TTC39C: variants seen among roughly 807,000 people sequenced by gnomAD.
TTC39C encodes the protein tetratricopeptide repeat domain 39C, also known as tetratricopeptide repeat protein 39C.
In TTC39C, 33 loss-of-function variants were observed where a neutral mutation model predicts 76.3. The observed-to-expected ratio is 0.43, with a 90% CI of 0.33 to 0.58. The LOEUF is 0.58. Among genes scored for constraint, TTC39C ranks in the 20% least tolerant of loss-of-function variants. TTC39C has a pLI of 0.04. For missense variants in TTC39C, 595 were observed against 701.4 expected (o/e 0.85, Z 1.71); for synonymous variants, 254 against 260.6 (o/e 0.97, Z 0.24).
chr18:24,026,853 A>T (rs2083605461), intron 1 of TTC39C, among the ~76,000 whole-genome samples: 1 of 152,236 alleles, frequency 6.6e-6, no homozygotes, highest in Admixed American at 6.5e-5. Context: ...AGCATCAAAG[A>T]TAAACAGATT....
At chr18:24,012,524 T>C (rs1318217559), upstream of TTC39C, among the ~76,000 whole-genome samples, 1 of 152,176 alleles carries the variant, frequency 6.6e-6, no homozygotes, top group Non-Finnish European at 1.5e-5. Context: ...CATAGTGTCA[T>C]CAATTCCTTG....
chr18:24,016,717 C>G (rs1024065338), intron 1 of TTC39C: 2 of 398,358 alleles, frequency 5.0e-6, no homozygotes, highest in Non-Finnish European at 8.8e-6. Flanking sequence ...AGAGAGATGC[C>G]CCTTCAAAGA....
At chr18:24,097,216 C>T (rs539798233) in intron 6 of TTC39C, among the ~76,000 whole-genome samples, 34 of 152,314 alleles carry the variant, frequency 2.2e-4, no homozygotes, top group African/African-American at 7.5e-4. Flanking sequence ...TTTGTCCCCA[C>T]GCCCAGAAAA....
chr18:24,080,288 C>T (rs2084360617), intron 4 of TTC39C, among the ~76,000 whole-genome samples: 1 of 152,156 alleles, frequency 6.6e-6, no homozygotes, highest in Non-Finnish European at 1.5e-5. Flanking sequence ...GTGATTCATT[C>T]ATTCATTCGA....
intron 1 of TTC39C, among the ~76,000 whole-genome samples, chr18:24,025,107 G>C (rs1311349666): frequency 6.6e-6 from 1 of 152,182 alleles, no homozygotes; most frequent in Non-Finnish European, 1.5e-5. Context: ...GGCCTCAACT[G>C]ATCTGACCGT....
intron 5 of TTC39C, among the ~76,000 whole-genome samples, chr18:24,081,238 GA>G (rs2084372013): frequency 6.6e-6 from 1 of 152,114 alleles, no homozygotes; most frequent in South Asian, 2.1e-4. Context: ...TGAGATTCAC[GA>G]TTCTGATTTT....
chr18:24,117,346 T>C (rs2084906786), intron 7 of TTC39C, among the ~76,000 whole-genome samples: 1 of 152,182 alleles, frequency 6.6e-6, no homozygotes, highest in African/African-American at 2.4e-5. Context: ...ACCAGTGTGC[T>C]GAGGGAAGGT....
intron 1 of TTC39C, among the ~76,000 whole-genome samples, chr18:24,032,632 T>C (rs2083684354): frequency 6.6e-6 from 1 of 152,244 alleles, no homozygotes; most frequent in South Asian, 2.1e-4. Flanking sequence ...AAGTTTTGAC[T>C]GCATTTTGAC....
At chr18:24,106,507 C>G (rs943281082) in intron 6 of TTC39C, among the ~76,000 whole-genome samples, 2 of 152,186 alleles carry the variant, frequency 1.3e-5, no homozygotes, top group African/African-American at 4.8e-5. Context: ...AGTGTCCTCC[C>G]TTCCTCTGCA....
At chr18:24,037,558 C>A (rs1261139902) in intron 1 of TTC39C, among the ~76,000 whole-genome samples, 1 of 152,172 alleles carries the variant, frequency 6.6e-6, no homozygotes. Flanking sequence ...AGTAGCGTTG[C>A]AGAGTCTCAG....
upstream of TTC39C, among the ~76,000 whole-genome samples, chr18:24,012,316 C>T (rs1403877705): frequency 6.6e-6 from 1 of 152,154 alleles, no homozygotes; most frequent in Non-Finnish European, 1.5e-5. Flanking sequence ...TCTATCCACG[C>T]CACCCCTCCC....
rs749399634 is a variant in TTC39C, at chr18:24,134,522, G to T, written c.*1948G>T. 7.9e-5 allele frequency: 12 copies of T among 151,932 alleles called. No homozygotes were observed. In the East Asian group the frequency reaches 1.9e-3, roughly 25 times the overall value. 9.4% of individuals were successfully genotyped at this position (151,932 alleles called of 1,614,324 possible). Reference sequence around the variant, plus strand: ...CATCTCCTGACCTCGTGATCCACCCGCCTTGGCCTCCCAAAGAGCTGGGAT... The same window carrying T: ...CATCTCCTGACCTCGTGATCCACCCTCCTTGGCCTCCCAAAGAGCTGGGAT... On this transcript the variant is annotated 3_prime_UTR_variant, in exon 14 of 14. Transcript: ENST00000317571.
chr18:24,052,805 A>G (rs2083969470), intron 1 of TTC39C, among the ~76,000 whole-genome samples: 1 of 152,180 alleles, frequency 6.6e-6, no homozygotes, highest in Non-Finnish European at 1.5e-5. Flanking sequence ...TTTATCATGG[A>G]TCCTTAGAAG....
At chr18:24,009,361 A>C (rs149126779) in intron 1 of TTC39C, among the ~76,000 whole-genome samples, 85 of 152,154 alleles carry the variant, frequency 5.6e-4, no homozygotes, top group African/African-American at 2.0e-3. Context: ...CAGTAGACAC[A>C]TGTCTTGAAA....
intron 1 of TTC39C, among the ~76,000 whole-genome samples, chr18:24,024,000 A>G (rs1373805425): frequency 2.5e-4 from 1 of 3,926 alleles, no homozygotes; most frequent in African/African-American, 6.8e-4. Context: ...ATATATATAT[A>G]TATATATATA....
rs188124053 is a variant in TTC39C at position 24,109,614 on chromosome 18, G to T, written c.985-4940G>T. On this transcript the variant is annotated intron_variant, in intron 6 of 13. Transcript: ENST00000317571. ...ATATAGTTCAGAGCACAGGAAATAT[G>T]AAAATATTTGCAGCTGGTTCTGCAA... Among the ~76,000 whole-genome samples the T allele has an allele frequency of 5.3e-5, 8 of 152,300 alleles. No homozygotes were observed. The East Asian group carries it at 1.5e-3, about 29-fold the overall frequency.
chr18:24,053,186 C>T (rs1031410507), intron 1 of TTC39C, among the ~76,000 whole-genome samples: 3 of 152,176 alleles, frequency 2.0e-5, no homozygotes, highest in African/African-American at 7.2e-5. Flanking sequence ...AAAAACCCTT[C>T]GAATAAACCA....
chr18:23,997,857 G>T (rs1324492150), intron 1 of TTC39C, among the ~76,000 whole-genome samples: 1 of 150,558 alleles, frequency 6.6e-6, no homozygotes, highest in Non-Finnish European at 1.5e-5. Flanking sequence ...CTGGGTGACA[G>T]AGTGAGACCC....
At chr18:24,051,656 A>G (rs977127753) in intron 1 of TTC39C, among the ~76,000 whole-genome samples, 3 of 152,236 alleles carry the variant, frequency 2.0e-5, no homozygotes, top group Admixed American at 2.0e-4. Flanking sequence ...CCTAAAGGTC[A>G]TGGTTTGAGT....
Sources: allele counts gnomAD v4.1 joint callset (sites outside exome capture counted in the v4.1 genomes callset), GRCh38; gene constraint gnomAD v4.1.1; transcripts MANE v1.5; gene names NCBI Gene and HGNC (gene_info 2026-07-23, HGNC 2026-07-21).